FILIP1L: variants seen among roughly 807,000 people sequenced by gnomAD.
FILIP1L encodes the protein filamin A-interacting protein 1-like.
FILIP1L carries 55 observed loss-of-function variants against 96.6 expected under a neutral mutation model. The ratio of observed to expected loss-of-function variants is 0.57; its 90% confidence interval spans 0.46 to 0.71. The LOEUF is 0.71. FILIP1L is among the 30% of genes least tolerant of loss of function. FILIP1L has a pLI of 0.00. For synonymous variants in FILIP1L, 467 were observed against 473.9 expected (o/e 0.99, Z 0.19); for missense variants, 1,304 against 1,321.2 (o/e 0.99, Z 0.20).
intron 1 of FILIP1L, among the ~76,000 whole-genome samples, chr3:100,088,979 A>G (rs1338273162): frequency 2.6e-5 from 4 of 152,138 alleles, no homozygotes; most frequent in East Asian, 1.9e-4. Context: ...ACTTGAATCA[A>G]TCATGGTTTA....
chr3:99,976,550 T>C (rs1708977181), intron 1 of FILIP1L, among the ~76,000 whole-genome samples: 1 of 152,190 alleles, frequency 6.6e-6, no homozygotes, highest in Non-Finnish European at 1.5e-5. Flanking sequence ...TTCACCACAT[T>C]GAAGATACCA....
At chr3:99,837,215 A>G (rs1942936459) in intron 5 of FILIP1L, among the ~76,000 whole-genome samples, 1 of 152,174 alleles carries the variant, frequency 6.6e-6, no homozygotes, top group South Asian at 2.1e-4. Flanking sequence ...ATCCGTACTC[A>G]CTGATTCCCT....
chr3:99,920,207 T>G (rs1707082145), intron 4 of FILIP1L, among the ~76,000 whole-genome samples: 1 of 152,170 alleles, frequency 6.6e-6, no homozygotes, highest in Non-Finnish European at 1.5e-5. Context: ...ATAGCATACA[T>G]AGTTTGTTTT....
intron 4 of FILIP1L, among the ~76,000 whole-genome samples, chr3:99,899,570 G>C (rs1477841413): frequency 3.9e-5 from 6 of 152,076 alleles, no homozygotes; most frequent in Non-Finnish European, 8.8e-5. Flanking sequence ...CTTTTTTCTA[G>C]CAGTTTCCTA....
At chr3:99,930,397 C>T (rs1437070423) in intron 2 of FILIP1L, among the ~76,000 whole-genome samples, 1 of 152,086 alleles carries the variant, frequency 6.6e-6, no homozygotes, top group Non-Finnish European at 1.5e-5. Context: ...GTTAATAATG[C>T]CAGGGCTAGT....
At position 99,850,391 on chromosome 3, in the gene FILIP1L, T is replaced by C. The variant is rs767619818; in HGVS notation, c.1285A>G (p.Lys429Glu). The C allele has an allele frequency of 1.2e-6, 2 of 1,613,434 alleles. No individual in the cohort carries two copies. The highest frequency in any genetic ancestry group is 1.7e-6 in the Non-Finnish European group (2 of 1,179,926). ...KLSKRIMALE[K>E]LEDAFNKSKQ... ...CTTTTGTTGAAAGCGTCTTCTAACT[T>C]TTCCAGAGCCATAATTCTTTTACTG... Residue 429 changes from lysine to glutamate, a missense_variant, in exon 5 of 6, where the codon AAG (lysine) becomes GAG (glutamate). Lys to Glu is a moderately conservative substitution (Grantham distance 56). Transcript: ENST00000477258.
At chr3:99,910,405 T>G (rs1015650014) in intron 4 of FILIP1L, among the ~76,000 whole-genome samples, 2 of 136,382 alleles carry the variant, frequency 1.5e-5, no homozygotes, top group African/African-American at 5.0e-5. Flanking sequence ...AAAACAGGGT[T>G]CTGTGAGCTT....
At chr3:99,985,975 C>G (rs892243822) in intron 1 of FILIP1L, among the ~76,000 whole-genome samples, 2 of 152,162 alleles carry the variant, frequency 1.3e-5, no homozygotes, top group African/African-American at 4.8e-5. Flanking sequence ...CACATTTGTA[C>G]CACAATACTT....
intron 1 of FILIP1L, among the ~76,000 whole-genome samples, chr3:100,069,295 A>C (rs1034851925): frequency 5.9e-5 from 9 of 151,526 alleles, no homozygotes; most frequent in African/African-American, 2.2e-4. Context: ...ATCCTGTTGT[A>C]GGCATTATTA....
intron 4 of FILIP1L, among the ~76,000 whole-genome samples, chr3:99,863,858 G>A (rs73860475): frequency 0.015 from 2,238 of 152,214 alleles, 52 homozygotes; most frequent in African/African-American, 0.052. Context: ...AGATTCTTAT[G>A]CTCTCCCCTT....
At position 100,062,816 on chromosome 3, in the gene FILIP1L, C is replaced by G. The variant is rs55943830; in HGVS notation, c.-11+51237G>C. Among the ~76,000 whole-genome samples, 436 of 152,342 alleles carry G rather than the reference C, an allele frequency of 2.9e-3. 3 individuals carry two copies. The highest frequency in any genetic ancestry group is 4.5e-3 in the Non-Finnish European group (307 of 68,034). On this transcript the variant is annotated intron_variant, in intron 1 of 5. Transcript: ENST00000477258. ...TACACCTGTCTGGCCCAAGCCTCCT[C>G]CCCTCCAGCCTGGATTACTGTGATG...
At position 100,066,517 on chromosome 3, in the gene FILIP1L, CTTTTTTTTTTTTTT is replaced by C. The variant is rs545356638; in HGVS notation, c.-11+47522_-11+47535del. ...AAGGATGATGTGGAAGGCTTTGCTT[CTTTTTTTTTTTTTT>C]TTTTTTTTTTTTTTTTTTGAGACGG... On this transcript the variant is annotated intron_variant, in intron 1 of 5. Coordinates refer to ENST00000477258, the MANE Select transcript of FILIP1L (RefSeq NM_001387850.1). 1.9e-3 allele frequency among the ~76,000 whole-genome samples: 74 copies of C among 38,330 alleles called. 11 individuals carry two copies. The highest frequency in any genetic ancestry group is 0.056 in the Middle Eastern group (2 of 36). 25.1% of individuals were successfully genotyped at this position (38,330 alleles called of 152,430 possible).
chr3:99,986,438 TAAC>T (rs768681846), intron 1 of FILIP1L, among the ~76,000 whole-genome samples: 167 of 152,364 alleles, frequency 1.1e-3, no homozygotes, highest in Middle Eastern at 3.4e-3. Context: ...ACATTATTTT[TAAC>T]AACACAGTTT....
chr3:100,090,908 G>A (rs1422916822), intron 1 of FILIP1L, among the ~76,000 whole-genome samples: 7 of 152,172 alleles, frequency 4.6e-5, no homozygotes, highest in Non-Finnish European at 8.8e-5. Flanking sequence ...AACTTGAAAT[G>A]AGTGCAGAGG....
intron 5 of FILIP1L, among the ~76,000 whole-genome samples, chr3:99,841,137 A>G (rs1350266653): frequency 6.6e-6 from 1 of 152,230 alleles, no homozygotes; most frequent in Non-Finnish European, 1.5e-5. Flanking sequence ...AAGAAAACAT[A>G]TTGCATACTA....
intron 4 of FILIP1L, among the ~76,000 whole-genome samples, chr3:99,854,433 C>T (rs995655150): frequency 6.6e-6 from 1 of 152,160 alleles, no homozygotes; most frequent in African/African-American, 2.4e-5. Flanking sequence ...AGGTGCAGAA[C>T]TCTGCAGATC....
intron 1 of FILIP1L, among the ~76,000 whole-genome samples, chr3:100,027,775 G>A (rs1162375565): frequency 2.0e-5 from 3 of 152,146 alleles, no homozygotes; most frequent in African/African-American, 7.2e-5. Context: ...TTTAGAACTG[G>A]GCAAGCAATA....
chr3:100,073,834 C>G (rs183453362), intron 1 of FILIP1L, among the ~76,000 whole-genome samples: 2 of 152,194 alleles, frequency 1.3e-5, no homozygotes, highest in East Asian at 1.9e-4. Flanking sequence ...TCCACTCACT[C>G]TTTTTAAGCT....
intron 1 of FILIP1L, among the ~76,000 whole-genome samples, chr3:99,935,920 G>A (rs941880152): frequency 6.6e-6 from 1 of 152,124 alleles, no homozygotes; most frequent in African/African-American, 2.4e-5. Flanking sequence ...TGCAGGAAAT[G>A]GCCAAATGTA....
Sources: gnomAD v4.1 joint callset for allele counts (sites outside exome capture counted in the v4.1 genomes callset) on GRCh38, gnomAD v4.1.1 for gene constraint, MANE v1.5 for transcripts, NCBI Gene and HGNC (gene_info 2026-07-23, HGNC 2026-07-21) for gene names.